The following ZNF385C variants were observed in gnomAD, a reference collection of about 807,000 sequenced individuals.
ZNF385C encodes the protein CTD-2132N18.2.
Under a neutral mutation model 35.4 loss-of-function variants are expected in ZNF385C, and 28 were observed. The ratio of observed to expected loss-of-function variants is 0.79; its 90% CI spans 0.59 to 1.08. The LOEUF (loss-of-function observed/expected upper bound fraction) is 1.08. Ranked by LOEUF, ZNF385C falls within the 50% of genes least tolerant of loss-of-function variation. ZNF385C has a pLI of 0.00. For missense variants in ZNF385C, 605 were observed against 595.6 expected, an observed-to-expected ratio of 1.02 and a Z score of -0.16; for synonymous variants, 248 against 248.2, an observed-to-expected ratio of 1.00 and a Z score of 0.01.
intron 2 of ZNF385C, among the ~76,000 whole-genome samples, chr17:42,042,556 A>T (rs1555656235): frequency 6.6e-6 from 1 of 152,084 alleles, no homozygotes; most frequent in African/African-American, 2.4e-5. Flanking sequence ...CTGTGGGTCA[A>T]TCAAGCCTCC....
intron 1 of ZNF385C, among the ~76,000 whole-genome samples, chr17:42,077,157 A>T (rs2053695095): frequency 6.6e-6 from 1 of 152,018 alleles, no homozygotes; most frequent in Admixed American, 6.6e-5. Context: ...GAATGAACCA[A>T]CTCTCACTGT....
At chr17:42,069,026 G>A (rs149074824) in intron 1 of ZNF385C, among the ~76,000 whole-genome samples, 2 of 152,238 alleles carry the variant, frequency 1.3e-5, no homozygotes, top group Non-Finnish European at 2.9e-5. Flanking sequence ...GAGAAAAAGC[G>A]TGTATGTACC....
chr17:42,029,159 G>C, intron 5 of ZNF385C, 86 bp from the exon 6 acceptor site: 1 of 1,428,684 alleles, frequency 7.0e-7, no homozygotes, highest in Non-Finnish European at 9.3e-7. Flanking sequence ...GGCCTGGAGG[G>C]CCCCTGGTGG....
At chr17:42,091,166 C>T (rs1305746500) in intron 1 of ZNF385C, among the ~76,000 whole-genome samples, 1 of 151,836 alleles carries the variant, frequency 6.6e-6, no homozygotes, top group African/African-American at 2.4e-5. Flanking sequence ...GGTGGCATTA[C>T]AGGCATGAGC....
chr17:42,075,590 G>C (rs1221700186), intron 1 of ZNF385C, among the ~76,000 whole-genome samples: 1 of 151,096 alleles, frequency 6.6e-6, no homozygotes, highest in Non-Finnish European at 1.5e-5. Context: ...CGCCTCCCGG[G>C]TTCACACCAT....
At chr17:42,027,942 CT>C in intron 7 of ZNF385C, 107 bp downstream of exon 7, 1 of 1,420,290 alleles carries the variant, frequency 7.0e-7, no homozygotes. Flanking sequence ...CTTCTCCAGC[CT>C]GCTCTGCTGT....
At chr17:42,085,290 T>C (rs1156270869) in intron 1 of ZNF385C, among the ~76,000 whole-genome samples, 2 of 152,080 alleles carry the variant, frequency 1.3e-5, no homozygotes, top group African/African-American at 4.8e-5. Context: ...TTGTTTTTAA[T>C]TTGAGACAGA....
chr17:42,037,787 A>G lies in ZNF385C; in HGVS notation c.349T>C (p.Phe117Leu). 6.5e-7 allele frequency: 1 copy of G among 1,534,268 alleles called. No homozygotes were observed. The highest frequency in any genetic ancestry group is 2.0e-4 in the Middle Eastern group (1 of 4,902). ...PPLDFKHLLA[F>L]HFNGAAPLSL... ...AGCGGGGCAGCGCCATTGAAGTGGA[A>G]GGCGAGCAAGTGCTTGAAGTCCAGC... Residue 117 changes from phenylalanine (F) to leucine (L), a missense_variant, in exon 3 of 9, where the codon TTC becomes CTC. Coordinates refer to ENST00000692273, the MANE Select transcript of ZNF385C (RefSeq NM_001392013.1).
At chr17:42,055,848 G>A (rs2053367481) in intron 2 of ZNF385C, among the ~76,000 whole-genome samples, 1 of 152,118 alleles carries the variant, frequency 6.6e-6, no homozygotes, top group Non-Finnish European at 1.5e-5. Context: ...AGGGGATGGA[G>A]GGACCGATTC....
chr17:42,072,712 A>G (rs1555658976), intron 1 of ZNF385C, among the ~76,000 whole-genome samples: 1 of 151,604 alleles, frequency 6.6e-6, no homozygotes, highest in Non-Finnish European at 1.5e-5. Context: ...AGCAGGTGCC[A>G]GGAGCCGCGC....
intron 1 of ZNF385C, among the ~76,000 whole-genome samples, chr17:42,086,046 C>T (rs1411053870): frequency 6.6e-6 from 1 of 152,100 alleles, no homozygotes; most frequent in Non-Finnish European, 1.5e-5. Context: ...CCAGCCTGGG[C>T]AGCAGAGCAA....
chr17:42,046,412 AG>A (rs1185853203), intron 2 of ZNF385C, among the ~76,000 whole-genome samples: 1 of 151,606 alleles, frequency 6.6e-6, no homozygotes, highest in Non-Finnish European at 1.5e-5. Context: ...GGGCAACATA[AG>A]GAGACCTTGT....
chr17:42,043,449 G>A, intron 2 of ZNF385C: 1 of 1,196,496 alleles, frequency 8.4e-7, no homozygotes, highest in Non-Finnish European at 1.0e-6. Flanking sequence ...CCACACACAG[G>A]CACCTCCCTT....
chr17:42,074,038 T>C (rs1555659055), intron 1 of ZNF385C, among the ~76,000 whole-genome samples: 1 of 152,200 alleles, frequency 6.6e-6, no homozygotes, highest in East Asian at 1.9e-4. Flanking sequence ...TTCACAGAGA[T>C]ACCTCCTTGT....
chr17:42,028,988 G>GA lies in ZNF385C; in HGVS notation c.761dup (p.Asp256GlyfsTer26). ...AAGAGGATGAGGAGGCAGCATCCAA[G>GA]AGCTCTGAGTGGGCTGGCTCCCTGC... On this transcript the variant is annotated frameshift_variant, in exon 6 of 9. Transcript: ENST00000692273. LOFTEE classifies it high-confidence loss of function. The GA allele has an allele frequency of 6.4e-7, 1 of 1,550,588 alleles. No individual in the cohort carries two copies.
chr17:42,096,054 T>A (rs2053913740), intron 1 of ZNF385C, among the ~76,000 whole-genome samples: 1 of 152,176 alleles, frequency 6.6e-6, no homozygotes. Flanking sequence ...CACATCAGAA[T>A]GACTCTGTGC....
chr17:42,066,336 G>A (rs1468533886), intron 1 of ZNF385C, among the ~76,000 whole-genome samples: 2 of 152,192 alleles, frequency 1.3e-5, no homozygotes, highest in Non-Finnish European at 2.9e-5. Flanking sequence ...GGGATTACAA[G>A]CGTGAGCCAC....
At chr17:42,027,581 T>A (rs1555654385) in intron 8 of ZNF385C, 37 bp downstream of exon 8, 21 of 270,912 alleles carry the variant, frequency 7.8e-5, no homozygotes, top group Non-Finnish European at 1.4e-4. Flanking sequence ...TCTCCCCTCC[T>A]GACCCAGTCC....
intron 5 of ZNF385C, among the ~76,000 whole-genome samples, 164 bp from the exon 6 acceptor site, chr17:42,029,237 C>T (rs1038905811): frequency 2.9e-4 from 44 of 152,200 alleles, no homozygotes; most frequent in Non-Finnish European, 4.3e-4. Context: ...GCCTCAGTTT[C>T]CCCATCTGAA....
Sources: gnomAD v4.1 joint callset for allele counts (sites outside exome capture counted in the v4.1 genomes callset) on GRCh38, gnomAD v4.1.1 for gene constraint, MANE v1.5 for transcripts, NCBI Gene and HGNC (gene_info 2026-07-23, HGNC 2026-07-21) for gene names.